CDIN1: variants seen among roughly 807,000 people sequenced by gnomAD.
CDIN1 encodes the protein CDAN1-interacting nuclease 1.
In CDIN1, 33 loss-of-function variants were observed where a neutral mutation model predicts 45.3. The ratio of observed to expected loss-of-function variants is 0.73; its 90% CI spans 0.55 to 0.97. The LOEUF is 0.97. Ranked by LOEUF, CDIN1 falls within the 50% of genes least tolerant of loss-of-function variation. The pLI, the probability that CDIN1 is intolerant of heterozygous loss-of-function variation, is 0.00. For synonymous variants in CDIN1, 118 were observed against 124.4 expected (o/e 0.95, Z 0.34); for missense variants, 303 against 339.4 (o/e 0.89, Z 0.84).
At chr15:36,692,868 A>G (rs2042303426) in intron 7 of CDIN1, among the ~76,000 whole-genome samples, 1 of 152,222 alleles carries the variant, frequency 6.6e-6, no homozygotes, top group South Asian at 2.1e-4. Flanking sequence ...TTATTAATCA[A>G]TAAATTTAGT....
At chr15:36,802,234 G>A (rs1595622392) in intron 10 of CDIN1, among the ~76,000 whole-genome samples, 5 of 152,286 alleles carry the variant, frequency 3.3e-5, no homozygotes, top group Admixed American at 3.3e-4. Flanking sequence ...GTGGCAGTGA[G>A]TACCAAATTA....
chr15:36,650,402 TTTTATTTATTTATTTATTTATTTATTTA>T (rs138686194), intron 3 of CDIN1, among the ~76,000 whole-genome samples: 9 of 142,758 alleles, frequency 6.3e-5, no homozygotes, highest in African/African-American at 1.3e-4. Flanking sequence ...TTGAGAAAAT[TTTTATTTATTTATTTATTTATTTATTTA>T]TTTATTTATT....
At chr15:36,785,697 T>G (rs1364646987) in intron 10 of CDIN1, among the ~76,000 whole-genome samples, 1 of 152,202 alleles carries the variant, frequency 6.6e-6, no homozygotes, top group Non-Finnish European at 1.5e-5. Flanking sequence ...GATAACTAAT[T>G]GGAAGTTGAG....
intron 10 of CDIN1, among the ~76,000 whole-genome samples, chr15:36,792,806 G>A (rs1226853053): frequency 6.6e-6 from 1 of 152,130 alleles, no homozygotes; most frequent in East Asian, 1.9e-4. Context: ...TACTTGATAG[G>A]ATTGGGCTTT....
intron 10 of CDIN1, among the ~76,000 whole-genome samples, chr15:36,801,643 T>C (rs1430034224): frequency 1.3e-5 from 2 of 152,204 alleles, no homozygotes; most frequent in Admixed American, 6.5e-5. Context: ...GATTTACTCC[T>C]CTTCCCTCAT....
intron 10 of CDIN1, among the ~76,000 whole-genome samples, chr15:36,715,428 T>C (rs1339269983): frequency 6.6e-6 from 1 of 152,176 alleles, no homozygotes; most frequent in African/African-American, 2.4e-5. Context: ...AGGAAGATAT[T>C]TTTCAGAGCA....
chr15:36,738,966 A>G (rs1203446292), intron 10 of CDIN1, among the ~76,000 whole-genome samples: 5 of 152,242 alleles, frequency 3.3e-5, no homozygotes, highest in Admixed American at 6.5e-5. Context: ...TCATGTACCA[A>G]TGTTAATAGC....
chr15:36,613,681 G>A, intron 1 of CDIN1: 1 of 1,462,472 alleles, frequency 6.8e-7, no homozygotes, highest in South Asian at 1.1e-5. Flanking sequence ...AGGAGCGCCT[G>A]GCTACTGCCC....
chr15:36,793,876 T>C (rs2141096813), intron 10 of CDIN1, among the ~76,000 whole-genome samples: 2 of 152,252 alleles, frequency 1.3e-5, no homozygotes, highest in South Asian at 4.2e-4. Flanking sequence ...TCCGTGTTCT[T>C]TTTGCAAGTG....
In CDIN1 at chr15:36,673,724, GA is replaced by G. The variant is rs576129761; in HGVS notation, c.346+15829del. Among the ~76,000 whole-genome samples, 208 of 149,592 alleles carry G rather than the reference GA, an allele frequency of 1.4e-3. 1 individual carries two copies. Among genetic ancestry groups the G allele is most frequent in the South Asian group, 3.6e-3 (17 of 4,738 alleles). ...CATCCCTTTTTGGTAGATAAAGATGGAAAAAAAAAATTTGGCAGGGTGGGTG... is the reference window on the plus strand; with the variant it reads ...CATCCCTTTTTGGTAGATAAAGATGGAAAAAAAAATTTGGCAGGGTGGGTG... On this transcript the variant is annotated intron_variant, in intron 5 of 10. Coordinates refer to ENST00000566621, the MANE Select transcript of CDIN1 (RefSeq NM_001321759.2).
At chr15:36,657,695 AGGGTG>A (rs2040833704) in intron 4 of CDIN1, 133 bp from the exon 5 acceptor site, 1 of 631,396 alleles carries the variant, frequency 1.6e-6, no homozygotes, top group African/African-American at 1.9e-5. Context: ...GAAGCCACCA[AGGGTG>A]GGAAAGATTT....
At chr15:36,593,864 G>A (rs2037697530) in intron 1 of CDIN1, among the ~76,000 whole-genome samples, 2 of 152,082 alleles carry the variant, frequency 1.3e-5, no homozygotes, top group African/African-American at 2.4e-5. Context: ...GCGCCTGGCT[G>A]AATGAGAGTT....
Position 36,657,918 on chromosome 15 carries a change from T to G in CDIN1, c.346+13T>G. 2.5e-6 allele frequency: 4 copies of G among 1,598,594 alleles called. No homozygotes were observed. The highest frequency in any genetic ancestry group is 3.4e-6 in the Non-Finnish European group (4 of 1,168,966). On this transcript the variant is annotated intron_variant, in intron 5 of 10. Coordinates refer to ENST00000566621, the MANE Select transcript of CDIN1 (RefSeq NM_001321759.2). ...GAGGAAACTCCACGTGAGTTACCCT[T>G]TTTTCCTAATGGTACTCTTTTACTC...
At chr15:36,677,549 TA>T (rs1177865183) in intron 5 of CDIN1, among the ~76,000 whole-genome samples, 1 of 152,114 alleles carries the variant, frequency 6.6e-6, no homozygotes, top group Non-Finnish European at 1.5e-5. Flanking sequence ...AAGACAATAT[TA>T]AGAAAATATT....
At chr15:36,786,139 C>T (rs890106908) in intron 10 of CDIN1, among the ~76,000 whole-genome samples, 1 of 152,146 alleles carries the variant, frequency 6.6e-6, no homozygotes, top group Non-Finnish European at 1.5e-5. Context: ...AATAAGTAAG[C>T]ATGCATGTCC....
intron 10 of CDIN1, among the ~76,000 whole-genome samples, chr15:36,715,908 A>T (rs188934262): frequency 2.0e-3 from 297 of 152,136 alleles, no homozygotes; most frequent in African/African-American, 5.9e-3. Context: ...GATAAGTATC[A>T]TTTTTTCAGC....
chr15:36,753,074 GCT>G (rs1248037077), intron 10 of CDIN1, among the ~76,000 whole-genome samples: 21 of 152,248 alleles, frequency 1.4e-4, no homozygotes, highest in African/African-American at 4.8e-4. Context: ...AATGCCTCCT[GCT>G]TTTTTGTGCA....
At chr15:36,650,513 G>A (rs137875607) in intron 3 of CDIN1, among the ~76,000 whole-genome samples, 1,732 of 151,546 alleles carry the variant, frequency 0.011, 28 homozygotes, top group African/African-American at 0.04. Flanking sequence ...TGCAATCTTG[G>A]CTCACTGCAA....
chr15:36,596,067 A>AG (rs1328511112), intron 1 of CDIN1, among the ~76,000 whole-genome samples: 1 of 152,222 alleles, frequency 6.6e-6, no homozygotes, highest in Non-Finnish European at 1.5e-5. Flanking sequence ...TACACAAAAA[A>AG]GAGGGAAGAC....
Sources: allele counts gnomAD v4.1 joint callset (sites outside exome capture counted in the v4.1 genomes callset), GRCh38; gene constraint gnomAD v4.1.1; transcripts MANE v1.5; gene names NCBI Gene and HGNC (gene_info 2026-07-23, HGNC 2026-07-21).